GPR89A: variants seen among roughly 807,000 people sequenced by gnomAD.
GPR89A encodes G protein-coupled receptor 89A.
GPR89A carries 16 observed loss-of-function variants against 52.0 expected under a neutral mutation model. The observed-to-expected ratio is 0.31, with a 90% confidence interval of 0.21 to 0.47. GPR89A has a LOEUF of 0.47. Among genes scored for constraint, GPR89A ranks in the 20% least tolerant of loss-of-function variants. The probability of loss-of-function intolerance (pLI) is 1.00; values close to 1 mark genes in which losing one functional copy is unlikely to be tolerated. For synonymous variants in GPR89A, 55 were observed against 150.9 expected, an observed-to-expected ratio of 0.36 and a Z score of 4.66; for missense variants, 135 against 449.4, an observed-to-expected ratio of 0.30 and a Z score of 6.33.
At chr1:145,652,884 A>G (rs1433767124) in intron 10 of GPR89A, among the ~76,000 whole-genome samples, 1 of 147,884 alleles carries the variant, frequency 6.8e-6, no homozygotes, top group African/African-American at 2.7e-5. Context: ...CTTCTTTATT[A>G]GTCTAGTAGT....
intron 11 of GPR89A, among the ~76,000 whole-genome samples, chr1:145,665,225 G>A (rs1652473921): frequency 6.6e-6 from 1 of 152,042 alleles, no homozygotes; most frequent in Non-Finnish European, 1.5e-5. Context: ...ACTCATGCCT[G>A]TAATACCAAC....
At chr1:145,614,050 A>G (rs1486636100) in intron 1 of GPR89A, among the ~76,000 whole-genome samples, 15 of 152,310 alleles carry the variant, frequency 9.8e-5, no homozygotes, top group African/African-American at 3.6e-4. Flanking sequence ...CTGGGATTAC[A>G]GACGTGAGCC....
chr1:145,639,307 TA>T (rs1650467512), intron 7 of GPR89A, among the ~76,000 whole-genome samples: 1 of 151,902 alleles, frequency 6.6e-6, no homozygotes, highest in Non-Finnish European at 1.5e-5. Context: ...AAAGGCAAAA[TA>T]ACTAGAATAG....
intron 3 of GPR89A, among the ~76,000 whole-genome samples, chr1:145,622,095 A>G: frequency 6.6e-6 from 1 of 152,034 alleles, no homozygotes; most frequent in Non-Finnish European, 1.5e-5. Flanking sequence ...GAGAAATGAA[A>G]ACATACGTCC....
chr1:145,609,751 C>T (rs1445231773), intron 1 of GPR89A, among the ~76,000 whole-genome samples: 1 of 152,204 alleles, frequency 6.6e-6, no homozygotes, highest in Non-Finnish European at 1.5e-5. Context: ...CATAGACTTT[C>T]ACTTCACACA....
At chr1:145,614,122 G>C (rs1299517433) in intron 1 of GPR89A, among the ~76,000 whole-genome samples, 1 of 152,058 alleles carries the variant, frequency 6.6e-6, no homozygotes, top group African/African-American at 2.4e-5. Flanking sequence ...TTTTATGTTA[G>C]GGGTGGTGGA....
chr1:145,663,875 C>T (rs587658445), intron 11 of GPR89A, among the ~76,000 whole-genome samples: 2 of 151,632 alleles, frequency 1.3e-5, no homozygotes, highest in South Asian at 4.2e-4. Flanking sequence ...ATGATTTCTG[C>T]TGTAAGAAAT....
At chr1:145,614,287 A>G (rs1192062130) in intron 1 of GPR89A, among the ~76,000 whole-genome samples, 4 of 152,070 alleles carry the variant, frequency 2.6e-5, no homozygotes, top group African/African-American at 9.7e-5. Context: ...CCCCTTACAG[A>G]TTGGTTTGGT....
At chr1:145,657,403 A>T (rs1293047798) in intron 10 of GPR89A, among the ~76,000 whole-genome samples, 8 of 149,514 alleles carry the variant, frequency 5.4e-5, no homozygotes, top group Middle Eastern at 3.4e-3. Context: ...AAAAAAAAAA[A>T]ATTGATTCCA....
rs368151057 is a variant in GPR89A at position 145,623,160 on chromosome 1, C to T, written c.313C>T (p.Leu105=). 3.5e-5 allele frequency: 57 copies of T among 1,613,026 alleles called. No individual in the cohort carries two copies. The highest frequency in any genetic ancestry group is 1.7e-4 in the Middle Eastern group (1 of 6,052). ...TTTTATTGTGAGCAATATCCGACTA[C>T]GTAAGTATTTTACCCTCTCAGTCAG... is the stretch of plus-strand genomic sequence containing the variant. ...GYFIVSNIRL[L]HKQRLLFSCL... The change falls in exon 4 of 14, where the codon CTG becomes TTG. Residue 105 remains leucine, a splice_region_variant and synonymous_variant. Coordinates refer to ENST00000313835, the MANE Select transcript of GPR89A (RefSeq NM_001097612.2).
intron 5 of GPR89A, among the ~76,000 whole-genome samples, chr1:145,629,592 T>C (rs1649759071): frequency 6.6e-6 from 1 of 152,060 alleles, no homozygotes; most frequent in Admixed American, 6.6e-5. Context: ...ATTCTAGCAA[T>C]TTGAGGCAGC....
In GPR89A at chr1:145,608,279, T is replaced by TA. The variant is rs1647956662; in HGVS notation, c.42+105dup. 18 of 1,486,354 alleles carry TA rather than the reference T, an allele frequency of 1.2e-5. No homozygotes were observed. In the South Asian group the frequency reaches 1.8e-4, roughly 15 times the overall value. 92.1% of individuals were successfully genotyped at this position (1,486,354 alleles called of 1,614,324 possible). A position where few individuals can be genotyped will look rare whatever the true frequency, so the allele number is the denominator to read the frequency against. On this transcript the variant is annotated intron_variant, in intron 1 of 13. Coordinates refer to ENST00000313835, the MANE Select transcript of GPR89A (RefSeq NM_001097612.2). ...CTGGTCCGGGGTCTCGCTCCTCTCT[T>TA]ACGCGTCCTGCGCTAGTCACTCTGG...
At chr1:145,621,332 T>TA (rs1553688095) in intron 3 of GPR89A, among the ~76,000 whole-genome samples, 1 of 150,324 alleles carries the variant, frequency 6.7e-6, no homozygotes, top group African/African-American at 2.4e-5. Flanking sequence ...TTTATTTTCT[T>TA]ACAGACATGA....
At position 145,669,632 on chromosome 1, in the gene GPR89A, A is replaced by T; in HGVS notation, c.1103A>T (p.Tyr368Phe). 2 of 1,611,194 alleles carry T rather than the reference A, an allele frequency of 1.2e-6. No individual in the cohort carries two copies. Among genetic ancestry groups the T allele is most frequent in the Non-Finnish European group, 8.5e-7 (1 of 1,179,560 alleles). ...GLLITLTKFF[Y>F]AISSSKSSNV... The stretch of plus-strand genomic sequence containing the variant: ...CTCCCTCTTTCTTGACAGTTCTTTT[A>T]TGCCATCTCTAGCAGTAAGTCCTCC... The change falls in exon 13 of 14, where the codon TAT (tyrosine) becomes TTT (phenylalanine). Residue 368 changes from tyrosine to phenylalanine, a missense_variant. Around this residue, in one of 10 missense-constraint regions of GPR89A, gnomAD observed 22 missense variants for 48.4 expected, o/e 0.45. Transcript: ENST00000313835.
chr1:145,618,944 C>T (rs1415272163), intron 3 of GPR89A, among the ~76,000 whole-genome samples: 4 of 151,812 alleles, frequency 2.6e-5, no homozygotes, highest in African/African-American at 7.3e-5. Flanking sequence ...CTTTACTCCC[C>T]TCCAAATAAT....
rs587688700 is a variant in GPR89A at position 145,662,353 on chromosome 1, C to T, written c.910-976C>T. On this transcript the variant is annotated intron_variant, in intron 10 of 13. Transcript: ENST00000313835. ...CATTCTGAAATGACCCTTTTAATACCTAGCAGTATTTTTGCTATGAAATCT... is the reference window on the plus strand; with the variant it reads ...CATTCTGAAATGACCCTTTTAATACTTAGCAGTATTTTTGCTATGAAATCT... Among the ~76,000 whole-genome samples the T allele has an allele frequency of 5.9e-5, 9 of 152,070 alleles. No homozygotes were observed. The South Asian group carries it at 1.5e-3, about 25-fold the overall frequency.
intron 10 of GPR89A, among the ~76,000 whole-genome samples, chr1:145,658,594 A>T (rs1454325694): frequency 7.0e-6 from 1 of 143,616 alleles, no homozygotes. Context: ...GTGCCACCAC[A>T]CTCCAGCAGG....
At position 145,641,095 on chromosome 1, in the gene GPR89A, A is replaced by G. The variant is rs587681373; in HGVS notation, c.618-2774A>G. On this transcript the variant is annotated intron_variant, in intron 7 of 13. Transcript: ENST00000313835. Reference sequence around the variant, plus strand: ...GAATGGTACAGTCCCTCTGGAACACAGTTTAGCTCTTTCTTTAAAAGCTAA... The same window carrying G: ...GAATGGTACAGTCCCTCTGGAACACGGTTTAGCTCTTTCTTTAAAAGCTAA... Among the ~76,000 whole-genome samples the G allele has an allele frequency of 8.4e-4, 127 of 151,862 alleles. 3 individuals carry two copies. The highest frequency in any genetic ancestry group is 1.7e-3 in the Admixed American group (26 of 15,272).
At chr1:145,657,372 C>T (rs1425261155) in intron 10 of GPR89A, among the ~76,000 whole-genome samples, 2 of 146,610 alleles carry the variant, frequency 1.4e-5, no homozygotes, top group Admixed American at 1.4e-4. Context: ...GCTTGAATGA[C>T]AGAGGGAGAC....
Sources: gnomAD v4.1 joint callset for allele counts (sites outside exome capture counted in the v4.1 genomes callset) on GRCh38, gnomAD v4.1.1 for gene constraint, gnomAD v4.1.1 regional missense constraint, MANE v1.5 for transcripts, NCBI Gene and HGNC (gene_info 2026-07-23, HGNC 2026-07-21) for gene names.